Variants in MVB12B observed in about 807,000 individuals in gnomAD.
The protein encoded by MVB12B is ESCRT-I complex subunit MVB12B.
Under a neutral mutation model 41.6 loss-of-function variants are expected in MVB12B, and 16 were observed. The observed-to-expected ratio is 0.38, with a 90% CI of 0.26 to 0.58. The LOEUF is 0.58. Among genes scored for constraint, MVB12B ranks in the 20% least tolerant of loss-of-function variants. The pLI, the probability that MVB12B is intolerant of heterozygous loss-of-function variation, is 0.62. For synonymous variants in MVB12B, 133 were observed against 139.7 expected (o/e 0.95, Z 0.34); for missense variants, 274 against 380.2 (o/e 0.72, Z 2.32).
chr9:126,490,056 C>T (rs922297611), intron 9 of MVB12B, among the ~76,000 whole-genome samples: 34 of 152,268 alleles, frequency 2.2e-4, no homozygotes, highest in Admixed American at 9.1e-4. Context: ...AGTGTAATTT[C>T]GCAGCCAGCG....
rs551500448 is a variant in MVB12B, at chr9:126,391,248, C to G, written c.410-818C>G. On this transcript the variant is annotated intron_variant, in intron 4 of 9. Transcript: ENST00000361171. The surrounding 1 kb of genome is among the most constrained non-coding windows in gnomAD (Gnocchi z 4.4). ...CTAATCGAGGCTTTAGCTCTGCCAGCCTACAGGAGGCACAGGGGAGTGACC... is the reference window on the plus strand; with the variant it reads ...CTAATCGAGGCTTTAGCTCTGCCAGGCTACAGGAGGCACAGGGGAGTGACC... Among the ~76,000 whole-genome samples, 13 of 152,312 alleles carry G rather than the reference C, an allele frequency of 8.5e-5. No homozygotes were observed. The highest frequency in any genetic ancestry group is 3.1e-4 in the African/African-American group (13 of 41,558).
chr9:126,418,486 G>T (rs983416000), intron 6 of MVB12B, among the ~76,000 whole-genome samples: 4 of 152,186 alleles, frequency 2.6e-5, no homozygotes, highest in Non-Finnish European at 5.9e-5. Flanking sequence ...GTGAATAATT[G>T]TAGGCTCATG....
chr9:126,334,812 CAG>C (rs1316326541), intron 1 of MVB12B, among the ~76,000 whole-genome samples: 8 of 152,182 alleles, frequency 5.3e-5, no homozygotes, highest in African/African-American at 1.9e-4. Context: ...CTGGTTTGTG[CAG>C]AGTCAGGCCT....
chr9:126,501,778 C>T (rs544624210), intron 9 of MVB12B, among the ~76,000 whole-genome samples: 2 of 152,352 alleles, frequency 1.3e-5, no homozygotes, highest in Admixed American at 6.5e-5. Context: ...CGGCCCTCCT[C>T]GCTCATCAGG....
At chr9:126,427,480 G>T (rs1420564011) in intron 7 of MVB12B, among the ~76,000 whole-genome samples, 1 of 152,068 alleles carries the variant, frequency 6.6e-6, no homozygotes. Context: ...AGGGTTTTTT[G>T]TCTTACGGCA....
At chr9:126,346,802 T>C (rs75547102) in intron 2 of MVB12B, among the ~76,000 whole-genome samples, 1,652 of 152,178 alleles carry the variant, frequency 0.011, 51 homozygotes, top group East Asian at 0.066. Flanking sequence ...AGGGGAAAAG[T>C]GTATTTCTGT....
intron 1 of MVB12B, among the ~76,000 whole-genome samples, chr9:126,336,682 A>G (rs546465024): frequency 2.0e-5 from 3 of 152,158 alleles, no homozygotes; most frequent in South Asian, 4.2e-4. Context: ...CTTGGAAAAC[A>G]CTTCACCTTA....
intron 6 of MVB12B, among the ~76,000 whole-genome samples, chr9:126,415,756 TGTG>T (rs1232859029): frequency 6.6e-6 from 1 of 151,948 alleles, no homozygotes; most frequent in African/African-American, 2.4e-5. Flanking sequence ...CCCCTGGGGA[TGTG>T]GTGGGAAGAA....
intron 7 of MVB12B, among the ~76,000 whole-genome samples, chr9:126,451,574 C>T (rs922300380): frequency 2.0e-4 from 31 of 152,084 alleles, no homozygotes; most frequent in Middle Eastern, 6.3e-3. Flanking sequence ...ATCTCCCTAT[C>T]CCCAGCTCCC....
chr9:126,387,942 G>A (rs1022499755), intron 4 of MVB12B, among the ~76,000 whole-genome samples: 6 of 152,166 alleles, frequency 3.9e-5, no homozygotes, highest in Admixed American at 2.6e-4. Flanking sequence ...TTTTAACCAC[G>A]GCGGCACACT....
chr9:126,400,930 A>G (rs2119023851), intron 6 of MVB12B, among the ~76,000 whole-genome samples: 1 of 152,360 alleles, frequency 6.6e-6, no homozygotes, highest in Non-Finnish European at 1.5e-5. Flanking sequence ...TCTGGCCTCC[A>G]GCTGGCTAGG....
intron 2 of MVB12B, among the ~76,000 whole-genome samples, chr9:126,380,531 T>G (rs1486214452): frequency 6.6e-6 from 1 of 152,234 alleles, no homozygotes; most frequent in Admixed American, 6.5e-5. Flanking sequence ...TGTCAGGGCT[T>G]GTACCAAGAG....
At chr9:126,485,788 G>A (rs1039197011) in intron 9 of MVB12B, among the ~76,000 whole-genome samples, 4 of 152,008 alleles carry the variant, frequency 2.6e-5, no homozygotes, top group Admixed American at 6.5e-5. Context: ...ACTGGCATGC[G>A]GATGATAACT....
rs1045020456 is a variant in MVB12B, at chr9:126,386,842, A to G, written c.409+184A>G. ...GGGTTCTCCAAGGAGTTTGCAGAGT[A>G]TTCTGGGTAGCAGCATGTAAATGAG... On this transcript the variant is annotated intron_variant, in intron 4 of 9. Coordinates refer to ENST00000361171, the MANE Select transcript of MVB12B (RefSeq NM_033446.3). This position sits in a 1 kb window ranked among gnomAD's most constrained non-coding sequence, Gnocchi z 4.3. 2.0e-5 allele frequency among the ~76,000 whole-genome samples: 3 copies of G among 152,156 alleles called. No individual in the cohort carries two copies. The highest frequency in any genetic ancestry group is 2.9e-5 in the Non-Finnish European group (2 of 68,022).
chr9:126,341,437 CTTTG>C (rs1384391815), intron 2 of MVB12B, among the ~76,000 whole-genome samples: 3 of 152,334 alleles, frequency 2.0e-5, no homozygotes, highest in South Asian at 2.1e-4. Context: ...ACTTTCCTCA[CTTTG>C]TTTGTGACGT....
chr9:126,404,909 G>A (rs539511233), intron 6 of MVB12B, among the ~76,000 whole-genome samples: 107 of 152,326 alleles, frequency 7.0e-4, no homozygotes, highest in East Asian at 2.3e-3. Flanking sequence ...TCTTGGACCC[G>A]TATCAAACTT....
chr9:126,381,696 T>TG (rs1309706585), intron 3 of MVB12B, among the ~76,000 whole-genome samples: 3 of 152,158 alleles, frequency 2.0e-5, no homozygotes, highest in Admixed American at 6.5e-5. Flanking sequence ...AACAAATACT[T>TG]GCACCTGTAA....
At chr9:126,452,825 C>T (rs561818857) in intron 7 of MVB12B, among the ~76,000 whole-genome samples, 27 of 152,048 alleles carry the variant, frequency 1.8e-4, no homozygotes, top group African/African-American at 6.0e-4. Context: ...CTAACTGATG[C>T]CAGAAAGAAA....
rs78183962 is a variant in MVB12B at position 126,497,626 on chromosome 9, C to T, written c.874-5551C>T. ...AAGAGAGCATTGAACAAGGAATCCA[C>T]CTCATCTCCGGGGCATGAGGTGAGC... On this transcript the variant is annotated intron_variant, in intron 9 of 9. Transcript: ENST00000361171. Among the ~76,000 whole-genome samples, 82 of 151,706 alleles carry T rather than the reference C, an allele frequency of 5.4e-4. 1 individual carries two copies. Among genetic ancestry groups the T allele is most frequent in the African/African-American group, 1.5e-3 (61 of 40,994 alleles).
Sources: gnomAD v4.1 joint callset for allele counts (sites outside exome capture counted in the v4.1 genomes callset) on GRCh38, gnomAD v4.1.1 for gene constraint, Gnocchi (gnomAD v3.1) non-coding constraint, MANE v1.5 for transcripts, NCBI Gene and HGNC (gene_info 2026-07-23, HGNC 2026-07-21) for gene names.